The following FLT4 variants were observed in gnomAD, a reference collection of about 807,000 sequenced individuals.
FLT4 encodes vascular endothelial growth factor receptor 3.
FLT4 carries 30 observed loss-of-function variants against 163.2 expected under a neutral mutation model. The ratio of observed to expected loss-of-function variants is 0.18; its 90% CI spans 0.14 to 0.25. The LOEUF is 0.25. Among genes scored for constraint, FLT4 ranks in the 10% least tolerant of loss-of-function variants. The probability of loss-of-function intolerance (pLI) is 1.00; values close to 1 mark genes in which losing one functional copy is unlikely to be tolerated. For synonymous variants in FLT4, 884 were observed against 789.5 expected (o/e 1.12, Z -2.01); for missense variants, 1,510 against 1,863.8 (o/e 0.81, Z 3.50).
chr5:180,619,465 C>A, intron 18 of FLT4, 99 bp from the exon 19 acceptor site: 1 of 1,009,384 alleles, frequency 9.9e-7, no homozygotes. Flanking sequence ...TAAGGGCCCC[C>A]AGGACATCCT....
chr5:180,641,194 T>C (rs1765071905), intron 1 of FLT4, among the ~76,000 whole-genome samples: 1 of 152,168 alleles, frequency 6.6e-6, no homozygotes, highest in African/African-American at 2.4e-5. Flanking sequence ...CAGCTGAGCA[T>C]GTCATCCCCA....
At chr5:180,611,022 A>C (rs528469424) in intron 27 of FLT4, among the ~76,000 whole-genome samples, 19 of 152,310 alleles carry the variant, frequency 1.2e-4, no homozygotes, top group African/African-American at 3.6e-4. Context: ...GCGCCACTGC[A>C]CTCCAGCCTG....
intron 29 of FLT4, among the ~76,000 whole-genome samples, chr5:180,605,846 T>A (rs1398564146): frequency 6.6e-6 from 1 of 152,140 alleles, no homozygotes; most frequent in Non-Finnish European, 1.5e-5. Flanking sequence ...AAAAGCCACA[T>A]CTATAGGTAC....
In FLT4 at chr5:180,629,889, G is replaced by A. The variant is rs1038929730; in HGVS notation, c.676+54C>T. 68 of 1,612,538 alleles carry A rather than the reference G, an allele frequency of 4.2e-5. No homozygotes were observed. The Middle Eastern group carries it at 4.9e-4, about 12-fold the overall frequency. ...GCCCTCACAGGACGACACCCACTGA[G>A]GCCAGTGAGGCAGTGACAGCCCCGT... On this transcript the variant is annotated intron_variant, in intron 5 of 29. Transcript: ENST00000261937.
chr5:180,616,869 C>T (rs1440975896), intron 22 of FLT4, 31 bp downstream of exon 22: 4 of 1,567,976 alleles, frequency 2.6e-6, no homozygotes, highest in Non-Finnish European at 3.5e-6. Context: ...GCACCCTTTT[C>T]CCGTCTGAAG....
In FLT4 at chr5:180,631,658, G is replaced by A. The variant is rs369812224; in HGVS notation, c.155+24C>T. The A allele has an allele frequency of 6.2e-5, 98 of 1,575,332 alleles. No individual in the cohort carries two copies. In the East Asian group the frequency reaches 8.3e-4, roughly 13 times the overall value. ...TGGGCTTGTGCAGCCTCTCTGGCCT[G>A]CCAGTGGGAGAGGGACCCAGTACCT... On this transcript the variant is annotated intron_variant, in intron 2 of 29. Transcript: ENST00000261937.
chr5:180,606,519 C>T (rs887211181), intron 29 of FLT4, among the ~76,000 whole-genome samples: 10 of 152,208 alleles, frequency 6.6e-5, no homozygotes, highest in African/African-American at 1.2e-4. Flanking sequence ...CACGTTTCCA[C>T]GGAGTCTGTC....
rs368763545 is a variant in FLT4, at chr5:180,603,264, C to T, written c.4020G>A (p.Leu1340=). Residue 1340 remains leucine, a synonymous_variant, in exon 30 of 30, where the codon CTG becomes CTA. Transcript: ENST00000261937. Reference sequence around the variant, plus strand: ...AGTGGTCCTCCTCGCTTGGCTCCGACAGCTCCCCATACTCGCTGTTGTAAA... The same window carrying T: ...AGTGGTCCTCCTCGCTTGGCTCCGATAGCTCCCCATACTCGCTGTTGTAAA... The part of the protein sequence containing the change: ...QVFYNSEYGE[L]SEPSEEDHCS... 2.2e-5 allele frequency: 35 copies of T among 1,614,090 alleles called. No individual in the cohort carries two copies. In the African/African-American group the frequency reaches 3.2e-4, roughly 15 times the overall value.
In FLT4 at chr5:180,603,108, T is replaced by C; in HGVS notation, c.*84A>G. Reference sequence around the variant, plus strand: ...CCTGTGCCACCAGAGTTCAACCAGATGAGTTCCCAGCCTGGGCCTCCAGCC... The same window carrying C: ...CCTGTGCCACCAGAGTTCAACCAGACGAGTTCCCAGCCTGGGCCTCCAGCC... On this transcript the variant is annotated 3_prime_UTR_variant, in exon 30 of 30. Coordinates refer to ENST00000261937, the MANE Select transcript of FLT4 (RefSeq NM_182925.5). 1 of 1,348,670 alleles carries C rather than the reference T, an allele frequency of 7.4e-7. No homozygotes were observed. Among genetic ancestry groups the C allele is most frequent in the Non-Finnish European group, 1.1e-6 (1 of 949,320 alleles). The allele number at this position is 1,348,670 out of a possible 1,614,324, so 83.5% of individuals were successfully genotyped here. A position where few individuals can be genotyped will look rare whatever the true frequency, so the allele number is the denominator to read the frequency against.
At chr5:180,625,274 AATGTCCTGCTGGC>A (rs1422399379) in intron 10 of FLT4, among the ~76,000 whole-genome samples, 1 of 152,110 alleles carries the variant, frequency 6.6e-6, no homozygotes, top group Non-Finnish European at 1.5e-5. Context: ...TGCTTGTCTA[AATGTCCTGCTGGC>A]ATCCCGCTCA....
rs1225252578 is a variant in FLT4 at position 180,610,119 on chromosome 5, A to AG, written c.3687-95_3687-94insC. The AG allele has an allele frequency of 1.6e-5, 26 of 1,581,822 alleles. No homozygotes were observed. In the Admixed American group the frequency reaches 4.4e-4, roughly 27 times the overall value. On this transcript the variant is annotated intron_variant, in intron 27 of 29. Coordinates refer to ENST00000261937, the MANE Select transcript of FLT4 (RefSeq NM_182925.5). ...TCCCTGTGCCCCCTCTTCTCCTGGAAAGGACCCCCCGCCTGGGGCAGGAGT... is the reference window on the plus strand; with the variant it reads ...TCCCTGTGCCCCCTCTTCTCCTGGAAGAGGACCCCCCGCCTGGGGCAGGAGT...
chr5:180,646,601 C>T (rs1341473044), intron 1 of FLT4, among the ~76,000 whole-genome samples: 1 of 152,212 alleles, frequency 6.6e-6, no homozygotes, highest in African/African-American at 2.4e-5. Context: ...CCAGCTGGGC[C>T]TCACCAGGGC....
At chr5:180,612,824 C>G (rs958874554) in intron 25 of FLT4, among the ~76,000 whole-genome samples, 187 bp downstream of exon 25, 1 of 152,156 alleles carries the variant, frequency 6.6e-6, no homozygotes, top group South Asian at 2.1e-4. Flanking sequence ...GTTCCGACAG[C>G]GCCCGGCCTT....
chr5:180,649,267 G>T (rs1179176396), intron 1 of FLT4, among the ~76,000 whole-genome samples: 1 of 151,872 alleles, frequency 6.6e-6, no homozygotes. Context: ...GGCGCGGCCC[G>T]GCCGCCCTGG....
rs562059592 is a variant in FLT4, at chr5:180,609,138, T to G, written c.3808-85A>C. On this transcript the variant is annotated intron_variant, in intron 28 of 29. Coordinates refer to ENST00000261937, the MANE Select transcript of FLT4 (RefSeq NM_182925.5). Reference sequence around the variant, plus strand: ...CACCCCCAGCCAGGAAAGTGCGGCATGGTCCTGCAGCGCGGCTGACCTAAC... The same window carrying G: ...CACCCCCAGCCAGGAAAGTGCGGCAGGGTCCTGCAGCGCGGCTGACCTAAC... 5.8e-5 allele frequency: 67 copies of G among 1,156,464 alleles called. No homozygotes were observed. The African/African-American group carries it at 9.5e-4, about 16-fold the overall frequency. 71.6% of individuals were successfully genotyped at this position (1,156,464 alleles called of 1,614,324 possible).
chr5:180,614,162 C>T lies in FLT4; in HGVS notation c.3237G>A (p.Lys1079=), dbSNP rs1412649828. The part of the protein sequence containing the change: ...VRKGSARLPL[K]WMAPESIFDK... The stretch of plus-strand genomic sequence containing the variant: ...CGAAGATGCTTTCAGGGGCCATCCA[C>T]TTCAGGGGCAGCCGGGCCTGGGGAG... The change falls in exon 24 of 30, where the codon AAG becomes AAA. Residue 1079 remains lysine, a synonymous_variant. Coordinates refer to ENST00000261937, the MANE Select transcript of FLT4 (RefSeq NM_182925.5). 6.3e-7 allele frequency: 1 copy of T among 1,595,070 alleles called. No individual in the cohort carries two copies. Among genetic ancestry groups the T allele is most frequent in the African/African-American group, 1.4e-5 (1 of 72,970 alleles).
chr5:180,613,139 G>C (rs779577175), intron 24 of FLT4, 29 bp from the exon 25 acceptor site: 1 of 1,540,358 alleles, frequency 6.5e-7, no homozygotes, highest in East Asian at 2.2e-5. Context: ...GGTGGGTGGG[G>C]AGCAAGCCTC....
In FLT4 at chr5:180,636,160, C is replaced by G. The variant is rs548980012; in HGVS notation, c.59-4382G>C. 6.6e-6 allele frequency among the ~76,000 whole-genome samples: 1 copy of G among 152,160 alleles called. No homozygotes were observed. Among genetic ancestry groups the G allele is most frequent in the East Asian group, 1.9e-4 (1 of 5,172 alleles). The stretch of plus-strand genomic sequence containing the variant: ...CAGGACCATCCATCGCGCTTGCCAA[C>G]CCTTTTGCCCATCCACGCAAGCTTT... On this transcript the variant is annotated intron_variant, in intron 1 of 29. Transcript: ENST00000261937. This position sits in a 1 kb window ranked among gnomAD's most constrained non-coding sequence, Gnocchi z 4.3.
chr5:180,603,876 C>A (rs1441497216), intron 29 of FLT4, among the ~76,000 whole-genome samples: 2 of 150,682 alleles, frequency 1.3e-5, no homozygotes, highest in African/African-American at 4.9e-5. Flanking sequence ...TGCACTCCAG[C>A]CTGGGCGACA....
Sources: gnomAD v4.1 joint callset for allele counts (sites outside exome capture counted in the v4.1 genomes callset) on GRCh38, gnomAD v4.1.1 for gene constraint, Gnocchi (gnomAD v3.1) non-coding constraint, MANE v1.5 for transcripts, NCBI Gene and HGNC (gene_info 2026-07-23, HGNC 2026-07-21) for gene names.